The following SNAP91 variants were observed in gnomAD, a reference collection of about 807,000 sequenced individuals.
SNAP91 encodes synaptosome associated protein 91, also known as clathrin coat assembly protein AP180.
In SNAP91, 27 loss-of-function variants were observed where a neutral mutation model predicts 100.3. The observed-to-expected ratio is 0.27, with a 90% CI of 0.20 to 0.37. The LOEUF is 0.37. Ranked by LOEUF, SNAP91 falls within the 10% of genes least tolerant of loss-of-function variation. The pLI, the probability that SNAP91 is intolerant of heterozygous loss-of-function variation, is 1.00. For missense variants in SNAP91, 986 were observed against 1,123.7 expected (o/e 0.88, Z 1.75); for synonymous variants, 404 against 398.6 (o/e 1.01, Z -0.16).
chr6:83,597,073 A>G (rs1192924300), intron 16 of SNAP91, among the ~76,000 whole-genome samples: 3 of 152,182 alleles, frequency 2.0e-5, no homozygotes, highest in Non-Finnish European at 4.4e-5. Context: ...TGTCAGCAAG[A>G]TATCTCCTTT....
chr6:83,593,255 TA>T lies in SNAP91; in HGVS notation c.1700del (p.Leu567TyrfsTer20). Reference protein sequence around the residue: ...APPALDIFGDLFESTPEVAAA... With the variant: ...APPALDIFGDXFESTPEVAAA... The stretch of plus-strand genomic sequence containing the variant: ...CAGCAACTTCAGGAGTGGACTCAAA[TA>T]AATCTAAGACCAAGAACACACATGC... On this transcript the variant is annotated frameshift_variant, in exon 19 of 30. Transcript: ENST00000369694. LOFTEE classifies it high-confidence loss of function. 1 of 1,588,602 alleles carries T rather than the reference TA, an allele frequency of 6.3e-7. No homozygotes were observed. The highest frequency in any genetic ancestry group is 8.6e-7 in the Non-Finnish European group (1 of 1,166,940).
intron 7 of SNAP91, among the ~76,000 whole-genome samples, chr6:83,644,614 A>G (rs2097845789): frequency 6.6e-6 from 1 of 152,220 alleles, no homozygotes; most frequent in Non-Finnish European, 1.5e-5. Context: ...TTGAAGGATA[A>G]TTGTCCTAGG....
chr6:83,620,428 T>G (rs1481051596), intron 9 of SNAP91, among the ~76,000 whole-genome samples: 1 of 152,214 alleles, frequency 6.6e-6, no homozygotes, highest in Non-Finnish European at 1.5e-5. Context: ...CGGACCCATC[T>G]GCAGATTAAT....
intron 22 of SNAP91, among the ~76,000 whole-genome samples, chr6:83,587,158 TTAA>T (rs1412806814): frequency 6.6e-6 from 1 of 152,162 alleles, no homozygotes; most frequent in African/African-American, 2.4e-5. Flanking sequence ...AAAATGGTTC[TTAA>T]TGTTTAGTTT....
chr6:83,641,299 T>C (rs2097691245), intron 7 of SNAP91, 97 bp from the exon 8 acceptor site: 4 of 556,176 alleles, frequency 7.2e-6, no homozygotes, highest in Non-Finnish European at 1.2e-5. Flanking sequence ...TTAATTAATG[T>C]TTGAATCAAA....
intron 22 of SNAP91, among the ~76,000 whole-genome samples, chr6:83,588,632 C>G (rs1017567866): frequency 1.3e-5 from 2 of 152,172 alleles, no homozygotes; most frequent in Non-Finnish European, 1.5e-5. Flanking sequence ...CAGGCTTGTT[C>G]TAGATGTGTT....
intron 20 of SNAP91, 131 bp downstream of exon 20, chr6:83,592,813 AAG>A: frequency 1.3e-6 from 1 of 782,174 alleles, no homozygotes; most frequent in Non-Finnish European, 2.1e-6. Flanking sequence ...TGATGGTCCC[AAG>A]AGTGAGTTTT....
intron 8 of SNAP91, among the ~76,000 whole-genome samples, chr6:83,636,692 C>T (rs889761213): frequency 6.6e-6 from 1 of 152,290 alleles, no homozygotes; most frequent in African/African-American, 2.4e-5. Context: ...GGATTCATTG[C>T]TAGGGAGCTA....
intron 13 of SNAP91, among the ~76,000 whole-genome samples, chr6:83,606,475 C>A (rs1404513324): frequency 6.6e-6 from 1 of 152,190 alleles, no homozygotes; most frequent in Non-Finnish European, 1.5e-5. Flanking sequence ...GTATAGGCCT[C>A]AAACTAGCAG....
chr6:83,591,981 T>G (rs2093821047), intron 21 of SNAP91, among the ~76,000 whole-genome samples: 1 of 152,248 alleles, frequency 6.6e-6, no homozygotes, highest in Non-Finnish European at 1.5e-5. Flanking sequence ...TTTGTAAGGA[T>G]AGCAAAACAT....
At chr6:83,563,459 C>T (rs1791583036) in intron 26 of SNAP91, among the ~76,000 whole-genome samples, 1 of 152,122 alleles carries the variant, frequency 6.6e-6, no homozygotes, top group Non-Finnish European at 1.5e-5. Context: ...TGAAAACTTT[C>T]TACCTAAAAA....
intron 23 of SNAP91, 48 bp from the exon 24 acceptor site, chr6:83,580,647 A>T (rs1420627444): frequency 6.6e-7 from 1 of 1,508,504 alleles, no homozygotes; most frequent in Non-Finnish European, 9.0e-7. Context: ...ACAAAAAAAG[A>T]TCATATGCGA....
At chr6:83,592,417 A>C (rs1374702325) in intron 21 of SNAP91, 38 bp downstream of exon 21, 1 of 1,363,218 alleles carries the variant, frequency 7.3e-7, no homozygotes, top group East Asian at 2.4e-5. Flanking sequence ...CTGAAGAAAA[A>C]AAGATTCCTT....
At chr6:83,678,759 G>A (rs1358931194) in intron 2 of SNAP91, 2 of 1,289,184 alleles carry the variant, frequency 1.6e-6, no homozygotes, top group Non-Finnish European at 2.0e-6. Context: ...CCACCTCTTT[G>A]GCCTTACCAA....
intron 8 of SNAP91, among the ~76,000 whole-genome samples, chr6:83,636,903 C>T (rs1313305270): frequency 1.3e-5 from 2 of 152,086 alleles, no homozygotes; most frequent in South Asian, 2.1e-4. Flanking sequence ...TGATCGGTTT[C>T]GTTTCTGAGC....
chr6:83,632,264 A>G (rs942495620), intron 8 of SNAP91, among the ~76,000 whole-genome samples: 1 of 152,068 alleles, frequency 6.6e-6, no homozygotes, highest in Non-Finnish European at 1.5e-5. Context: ...TAAAGGTATA[A>G]CTATAAACGT....
intron 26 of SNAP91, among the ~76,000 whole-genome samples, chr6:83,566,084 T>C (rs1796211477): frequency 6.6e-6 from 1 of 152,194 alleles, no homozygotes. Flanking sequence ...AAATGTGGTA[T>C]ATCCATAAAA....
intron 13 of SNAP91, among the ~76,000 whole-genome samples, chr6:83,607,056 G>T (rs1000289435): frequency 2.0e-5 from 3 of 152,226 alleles, no homozygotes; most frequent in Non-Finnish European, 4.4e-5. Flanking sequence ...CAGAGTCAAA[G>T]ATACTACAAA....
Position 83,587,442 on chromosome 6 carries a change from T to A in SNAP91, c.2014+3769A>T, listed in dbSNP as rs1333092007. On this transcript the variant is annotated intron_variant, in intron 22 of 29. Transcript: ENST00000369694. Reference sequence around the variant, plus strand: ...AGAATCTTTTTCTCTCTTCTCTCTCTTTGATTCTGATCATATTTGTGGGCT... The same window carrying A: ...AGAATCTTTTTCTCTCTTCTCTCTCATTGATTCTGATCATATTTGTGGGCT... Among the ~76,000 whole-genome samples the A allele has an allele frequency of 2.6e-5, 4 of 152,176 alleles. No individual in the cohort carries two copies. The East Asian group carries it at 7.7e-4, about 29-fold the overall frequency.
Sources: allele counts gnomAD v4.1 joint callset (sites outside exome capture counted in the v4.1 genomes callset), GRCh38; gene constraint gnomAD v4.1.1; transcripts MANE v1.5; gene names NCBI Gene and HGNC (gene_info 2026-07-23, HGNC 2026-07-21).